NFIA: variants seen among roughly 807,000 people sequenced by gnomAD.
NFIA encodes the protein nuclear factor 1 A-type.
Under a neutral mutation model 62.8 loss-of-function variants are expected in NFIA, and 8 were observed. The ratio of observed to expected loss-of-function variants is 0.13; its 90% CI spans 0.07 to 0.23. The LOEUF (loss-of-function observed/expected upper bound fraction) is 0.23, where lower values mean the gene tolerates loss of function less well. Among genes scored for constraint, NFIA ranks in the 10% least tolerant of loss-of-function variants. The pLI is 1.00. For synonymous variants in NFIA, 235 were observed against 238.1 expected, an observed-to-expected ratio of 0.99 and a Z score of 0.12; for missense variants, 410 against 642.1, an observed-to-expected ratio of 0.64 and a Z score of 3.91.
intron 2 of NFIA, among the ~76,000 whole-genome samples, chr1:61,195,106 A>C (rs1022612069): frequency 6.6e-6 from 1 of 152,150 alleles, no homozygotes; most frequent in Non-Finnish European, 1.5e-5. Flanking sequence ...AGTCATGGTA[A>C]CCAGGAATCT....
At chr1:61,225,061 G>A (rs1355031442) in intron 2 of NFIA, among the ~76,000 whole-genome samples, 4 of 151,696 alleles carry the variant, frequency 2.6e-5, no homozygotes, top group Middle Eastern at 3.2e-3. Flanking sequence ...CATGACATAG[G>A]AATCTATTGA....
chr1:61,342,619 C>T (rs572593399), intron 4 of NFIA, among the ~76,000 whole-genome samples: 6 of 152,276 alleles, frequency 3.9e-5, no homozygotes, highest in Admixed American at 1.3e-4. Flanking sequence ...CTCTTGCTGA[C>T]GCTTATAAAG....
chr1:61,134,490 A>T (rs1282516154), intron 2 of NFIA, among the ~76,000 whole-genome samples: 2 of 152,002 alleles, frequency 1.3e-5, no homozygotes, highest in African/African-American at 4.8e-5. Context: ...ACTCTGTGGG[A>T]CTCAGAAATC....
intron 3 of NFIA, among the ~76,000 whole-genome samples, chr1:61,304,329 C>T (rs911577865): frequency 6.6e-6 from 1 of 152,152 alleles, no homozygotes; most frequent in Non-Finnish European, 1.5e-5. Flanking sequence ...GAGCTATGCT[C>T]TCTCTCCATT....
At chr1:61,202,594 A>G (rs867846366) in intron 2 of NFIA, among the ~76,000 whole-genome samples, 1 of 152,254 alleles carries the variant, frequency 6.6e-6, no homozygotes, top group Non-Finnish European at 1.5e-5. Flanking sequence ...TTTGTCATCC[A>G]TGACTAACTT....
At chr1:61,353,736 G>A (rs1220767613) in intron 5 of NFIA, among the ~76,000 whole-genome samples, 1 of 152,080 alleles carries the variant, frequency 6.6e-6, no homozygotes, top group Non-Finnish European at 1.5e-5. Context: ...TAAAGAAACA[G>A]GTATTCCCTT....
At chr1:61,420,649 T>C (rs1425388300) in intron 9 of NFIA, among the ~76,000 whole-genome samples, 4 of 152,188 alleles carry the variant, frequency 2.6e-5, no homozygotes, top group African/African-American at 9.7e-5. Flanking sequence ...GTAAGCCTAT[T>C]TTGAATAAAA....
chr1:61,132,229 G>A (rs566086610), intron 2 of NFIA, among the ~76,000 whole-genome samples: 29 of 152,130 alleles, frequency 1.9e-4, no homozygotes, highest in Non-Finnish European at 4.0e-4. Context: ...TGAACGTCAA[G>A]CCAGCCTGTC....
chr1:61,457,735 A>G lies in NFIA; in HGVS notation c.*2415A>G, dbSNP rs561246187. 6.6e-6 allele frequency: 1 copy of G among 152,154 alleles called. No individual in the cohort carries two copies. 9.4% of individuals were successfully genotyped at this position (152,154 alleles called of 1,614,324 possible). A position where few individuals can be genotyped will look rare whatever the true frequency, so the allele number is the denominator to read the frequency against. ...TGATTTTTGAATGCACGTGCGCAGG[A>G]AGGGCTCCTCTTAGAGAAGCAGTCA... On this transcript the variant is annotated 3_prime_UTR_variant, in exon 11 of 11. Coordinates refer to ENST00000403491, the MANE Select transcript of NFIA (RefSeq NM_001134673.4). The surrounding 1 kb of genome is among the most constrained non-coding windows in gnomAD (Gnocchi z 4.2).
At chr1:61,288,454 A>G (rs75232930) in intron 3 of NFIA, among the ~76,000 whole-genome samples, 1,849 of 152,356 alleles carry the variant, frequency 0.012, 33 homozygotes, top group South Asian at 0.042. Flanking sequence ...GCTTTAAAAA[A>G]GAATAGTGTT....
At chr1:61,392,260 A>G (rs1478905160) in intron 7 of NFIA, among the ~76,000 whole-genome samples, 1 of 152,042 alleles carries the variant, frequency 6.6e-6, no homozygotes, top group Non-Finnish European at 1.5e-5. Flanking sequence ...CAGTTCAGGA[A>G]ATTATTAAAT....
intron 2 of NFIA, chr1:61,251,041 G>T (rs1461177042): frequency 6.6e-6 from 1 of 152,154 alleles, no homozygotes; most frequent in African/African-American, 2.4e-5. Flanking sequence ...CCATCCCTCT[G>T]TGCTTGTTCT....
At chr1:61,243,183 C>T (rs981383599) in intron 2 of NFIA, among the ~76,000 whole-genome samples, 2 of 152,052 alleles carry the variant, frequency 1.3e-5, no homozygotes, top group Non-Finnish European at 1.5e-5. Flanking sequence ...ACTCTGTATC[C>T]TTCAGCGTAG....
intron 3 of NFIA, among the ~76,000 whole-genome samples, chr1:61,303,857 A>G (rs1334783826): frequency 6.6e-6 from 1 of 152,222 alleles, no homozygotes; most frequent in East Asian, 1.9e-4. Context: ...CATGAATGCC[A>G]TTTCCAGGAA....
At chr1:61,339,076 G>T (rs765498165) in intron 4 of NFIA, among the ~76,000 whole-genome samples, 10 of 152,146 alleles carry the variant, frequency 6.6e-5, no homozygotes, top group Non-Finnish European at 1.3e-4. Context: ...CAATTCAATG[G>T]CAGTCTACTC....
chr1:61,450,222 T>C (rs2499539), intron 10 of NFIA, among the ~76,000 whole-genome samples: 15,029 of 152,200 alleles, frequency 0.099, 871 homozygotes, highest in African/African-American at 0.15. Flanking sequence ...AGAAGGCCCT[T>C]AGTGCTTGTT....
chr1:61,306,867 T>TA (rs1214010575), intron 3 of NFIA, among the ~76,000 whole-genome samples: 1 of 152,172 alleles, frequency 6.6e-6, no homozygotes. Context: ...GGAAAACTCT[T>TA]ATGCTGTAAG....
At chr1:61,426,411 T>C in intron 9 of NFIA, 54 bp from the exon 10 acceptor site, 1 of 1,194,394 alleles carries the variant, frequency 8.4e-7, no homozygotes, top group Non-Finnish European at 1.2e-6. Flanking sequence ...TGGTGTTGTT[T>C]GTGTGTGCAA....
At chr1:61,265,022 T>C (rs2100248849) in intron 2 of NFIA, among the ~76,000 whole-genome samples, 1 of 152,348 alleles carries the variant, frequency 6.6e-6, no homozygotes, top group East Asian at 1.9e-4. Flanking sequence ...TCACGTGTTT[T>C]AGTTATCTAG....
Sources: gnomAD v4.1 joint callset for allele counts (sites outside exome capture counted in the v4.1 genomes callset) on GRCh38, gnomAD v4.1.1 for gene constraint, Gnocchi (gnomAD v3.1) non-coding constraint, MANE v1.5 for transcripts, NCBI Gene and HGNC (gene_info 2026-07-23, HGNC 2026-07-21) for gene names.